ADK: variants seen among roughly 807,000 people sequenced by gnomAD.
ADK encodes the protein adenosine kinase, also known as N6,N6-dimethyladenosine kinase.
A neutral mutation model predicts 44.7 loss-of-function variants in ADK; 24 were observed. That is an observed-to-expected ratio of 0.54 (90% CI 0.39 to 0.76). The LOEUF (loss-of-function observed/expected upper bound fraction) is 0.76, where lower values mean the gene tolerates loss of function less well. Ranked by LOEUF, ADK falls within the 30% of genes least tolerant of loss-of-function variation. The pLI, the probability that ADK is intolerant of heterozygous loss-of-function variation, is 0.00. For missense variants in ADK, 321 were observed against 425.1 expected, an observed-to-expected ratio of 0.76 and a Z score of 2.15; for synonymous variants, 128 against 142.6, an observed-to-expected ratio of 0.90 and a Z score of 0.73.
chr10:74,665,736 TGA>T (rs59620474), intron 9 of ADK, among the ~76,000 whole-genome samples: 16,945 of 115,556 alleles, frequency 0.15, 1,147 homozygotes, highest in African/African-American at 0.19. Flanking sequence ...CCTTAGCTCT[TGA>T]GAGAGAGAGA....
intron 10 of ADK, among the ~76,000 whole-genome samples, chr10:74,684,384 G>A (rs937223991): frequency 2.6e-5 from 4 of 152,096 alleles, no homozygotes; most frequent in Admixed American, 1.3e-4. Flanking sequence ...CAAAACCAAT[G>A]TAAAGATACA....
intron 9 of ADK, among the ~76,000 whole-genome samples, chr10:74,656,595 C>T (rs1020545476): frequency 1.3e-5 from 2 of 152,056 alleles, no homozygotes; most frequent in Non-Finnish European, 2.9e-5. Flanking sequence ...CATGGGGTCC[C>T]AACTCATCAG....
chr10:74,634,693 C>G (rs151084453), intron 9 of ADK, among the ~76,000 whole-genome samples: 2 of 151,882 alleles, frequency 1.3e-5, no homozygotes, highest in African/African-American at 2.4e-5. Context: ...ACCTGTAATC[C>G]CAGCACTTTT....
At position 74,176,681 on chromosome 10, in the gene ADK, G is replaced by C. The variant is rs886047233; in HGVS notation, c.66-24083G>C. The C allele has an allele frequency of 6.9e-7, 1 of 1,442,296 alleles. No individual in the cohort carries two copies. The highest frequency in any genetic ancestry group is 9.1e-7 in the Non-Finnish European group (1 of 1,098,682). The allele number at this position is 1,442,296 out of a possible 1,614,324, so 89.3% of individuals were successfully genotyped here. ...TCTCCAGCCCTTCGCACGGGGCGGA[G>C]CGCCCGCCTTCCCTCCAATCAGCAC... is the stretch of plus-strand genomic sequence containing the variant. On this transcript the variant is annotated intron_variant, in intron 1 of 10. Transcript: ENST00000539909.
At chr10:74,180,546 C>T (rs1842508624) in intron 1 of ADK, among the ~76,000 whole-genome samples, 2 of 151,264 alleles carry the variant, frequency 1.3e-5, no homozygotes, top group South Asian at 4.2e-4. Context: ...TGAAGCTCCG[C>T]CTCCTGGGTT....
chr10:74,674,318 A>G (rs1371918201), intron 10 of ADK, among the ~76,000 whole-genome samples: 3 of 152,174 alleles, frequency 2.0e-5, no homozygotes, highest in Non-Finnish European at 4.4e-5. Flanking sequence ...CACCAGCAGG[A>G]GCCTTTCTAC....
intron 7 of ADK, among the ~76,000 whole-genome samples, chr10:74,560,096 A>AT (rs1393802988): frequency 6.6e-6 from 1 of 151,894 alleles, no homozygotes. Context: ...TTTTTAAAAA[A>AT]TTTTTTTGTA....
At chr10:74,185,861 A>G (rs1216600871) in intron 1 of ADK, among the ~76,000 whole-genome samples, 1 of 149,890 alleles carries the variant, frequency 6.7e-6, no homozygotes, top group Admixed American at 6.6e-5. Flanking sequence ...AAAAAAAAAA[A>G]AAAAGAAACA....
At chr10:74,288,431 G>C (rs796540871) in intron 3 of ADK, among the ~76,000 whole-genome samples, 13 of 152,160 alleles carry the variant, frequency 8.5e-5, no homozygotes, top group African/African-American at 2.9e-4. Context: ...AGGCGGATCA[G>C]CTGAGATCAG....
At chr10:74,492,226 A>ACC (rs1209297929) in intron 6 of ADK, among the ~76,000 whole-genome samples, 3 of 152,202 alleles carry the variant, frequency 2.0e-5, no homozygotes, top group Non-Finnish European at 2.9e-5. Context: ...TAGAGATCTT[A>ACC]TTCAAATTTT....
intron 7 of ADK, among the ~76,000 whole-genome samples, chr10:74,557,278 A>G (rs1850288585): frequency 6.6e-6 from 1 of 152,170 alleles, no homozygotes; most frequent in African/African-American, 2.4e-5. Context: ...TGGGGGCAAT[A>G]TGTTGATTGT....
Position 74,708,562 on chromosome 10 carries a change from T to C in ADK, c.*117T>C. ...CCATTTTTTCCTACTATAATAATGC[T>C]GAATCTTAATTTAGAGGGTACAAGG... On this transcript the variant is annotated 3_prime_UTR_variant, in exon 11 of 11. Transcript: ENST00000539909. 1 of 1,175,618 alleles carries C rather than the reference T, an allele frequency of 8.5e-7. No homozygotes were observed. Among genetic ancestry groups the C allele is most frequent in the Non-Finnish European group, 1.2e-6 (1 of 829,746 alleles). The allele number at this position is 1,175,618 out of a possible 1,614,324, so 72.8% of individuals were successfully genotyped here.
At chr10:74,570,038 C>A (rs905292228) in intron 7 of ADK, among the ~76,000 whole-genome samples, 2 of 152,072 alleles carry the variant, frequency 1.3e-5, no homozygotes, top group African/African-American at 4.8e-5. Flanking sequence ...GGAATCCTTT[C>A]CCCATTGCTT....
At chr10:74,701,183 A>T (rs1171481414) in intron 10 of ADK, among the ~76,000 whole-genome samples, 1 of 152,256 alleles carries the variant, frequency 6.6e-6, no homozygotes, top group Non-Finnish European at 1.5e-5. Flanking sequence ...AAGAAGGAAC[A>T]TACAAATAAT....
chr10:74,330,097 G>T (rs1445366619), intron 4 of ADK, among the ~76,000 whole-genome samples: 1 of 152,194 alleles, frequency 6.6e-6, no homozygotes, highest in South Asian at 2.1e-4. Context: ...GAGCCTGGGA[G>T]GTTGAAGCTG....
At chr10:74,567,081 T>A (rs1850697140) in intron 7 of ADK, among the ~76,000 whole-genome samples, 1 of 152,220 alleles carries the variant, frequency 6.6e-6, no homozygotes, top group Non-Finnish European at 1.5e-5. Flanking sequence ...AGGGGTAAAG[T>A]AAGAGGCAAA....
intron 2 of ADK, among the ~76,000 whole-genome samples, chr10:74,202,287 A>T (rs1161872077): frequency 2.0e-5 from 3 of 152,198 alleles, no homozygotes; most frequent in African/African-American, 4.8e-5. Context: ...TGTAGCATGT[A>T]TCAGTCCTTC....
Position 74,314,765 on chromosome 10 carries a change from A to C in ADK, c.273+20A>C. The C allele has an allele frequency of 6.5e-7, 1 of 1,536,930 alleles. No individual in the cohort carries two copies. The highest frequency in any genetic ancestry group is 9.0e-7 in the Non-Finnish European group (1 of 1,110,794). ...GCTCAGGTTGGTTAATTATTTTAAA[A>C]GTTAAAAGGATTCAAAATGATTCTA... On this transcript the variant is annotated intron_variant, in intron 4 of 10. Transcript: ENST00000539909.
intron 4 of ADK, among the ~76,000 whole-genome samples, chr10:74,321,227 T>C (rs1375838417): frequency 2.0e-5 from 3 of 152,094 alleles, no homozygotes; most frequent in Non-Finnish European, 4.4e-5. Context: ...AAGCAGGTAA[T>C]CATTTGAATC....
Sources: allele counts gnomAD v4.1 joint callset (sites outside exome capture counted in the v4.1 genomes callset), GRCh38; gene constraint gnomAD v4.1.1; transcripts MANE v1.5; gene names NCBI Gene and HGNC (gene_info 2026-07-23, HGNC 2026-07-21).